NKAIN3: variants seen among roughly 807,000 people sequenced by gnomAD.
NKAIN3 encodes sodium/potassium-transporting ATPase subunit beta-1-interacting protein 3.
A neutral mutation model predicts 30.2 loss-of-function variants in NKAIN3; 25 were observed. The observed-to-expected ratio is 0.83, with a 90% CI of 0.60 to 1.16. NKAIN3 has a LOEUF of 1.16. Ranked by LOEUF, NKAIN3 falls within the 50% of genes most tolerant of loss-of-function variation. NKAIN3 has a pLI of 0.00. For missense variants in NKAIN3, 225 were observed against 254.1 expected (o/e 0.89, Z 0.78); for synonymous variants, 91 against 89.6 (o/e 1.02, Z -0.09).
chr8:62,443,405 A>G (rs749745531), intron 1 of NKAIN3, among the ~76,000 whole-genome samples: 26 of 151,854 alleles, frequency 1.7e-4, no homozygotes, highest in Non-Finnish European at 3.5e-4. Context: ...ATTTTTTGAG[A>G]CAAAGTCTCA....
At chr8:62,663,961 T>A (rs973834927) in intron 3 of NKAIN3, among the ~76,000 whole-genome samples, 1 of 152,062 alleles carries the variant, frequency 6.6e-6, no homozygotes, top group Admixed American at 6.6e-5. Flanking sequence ...TGAAAAAAAA[T>A]TGATCTTGTT....
chr8:62,815,844 A>T (rs1311076396), intron 4 of NKAIN3, among the ~76,000 whole-genome samples: 1 of 152,056 alleles, frequency 6.6e-6, no homozygotes, highest in Non-Finnish European at 1.5e-5. Flanking sequence ...TTCTTATTCC[A>T]CTCATTGAAT....
At chr8:62,609,765 C>G (rs189779625) in intron 3 of NKAIN3, among the ~76,000 whole-genome samples, 41 of 152,122 alleles carry the variant, frequency 2.7e-4, no homozygotes, top group African/African-American at 8.2e-4. Context: ...GGGGGAATGC[C>G]AAGTCTCCCA....
chr8:62,793,903 G>A (rs140503232), intron 4 of NKAIN3, among the ~76,000 whole-genome samples: 2,146 of 152,202 alleles, frequency 0.014, 28 homozygotes, highest in Non-Finnish European at 0.019. Context: ...CCCAAGGTTG[G>A]GGGGAAATCA....
intron 1 of NKAIN3, among the ~76,000 whole-genome samples, chr8:62,298,726 C>T (rs949533395): frequency 1.3e-5 from 2 of 152,036 alleles, no homozygotes; most frequent in Non-Finnish European, 1.5e-5. Flanking sequence ...ATCTTTCCAA[C>T]CTAAATCTGT....
In NKAIN3 at chr8:62,615,820, A is replaced by G. The variant is rs576270255; in HGVS notation, c.273+26026A>G. On this transcript the variant is annotated intron_variant, in intron 3 of 6. Coordinates refer to ENST00000623646, the MANE Select transcript of NKAIN3 (RefSeq NM_001304533.3). ...CCCAGTGCCCAGAGCTGCTCTTAGCACCACACTGCTGCTGCTGCCAGGGAT... is the reference window on the plus strand; with the variant it reads ...CCCAGTGCCCAGAGCTGCTCTTAGCGCCACACTGCTGCTGCTGCCAGGGAT... Among the ~76,000 whole-genome samples the G allele has an allele frequency of 1.1e-3, 164 of 152,216 alleles. 1 individual carries two copies. The highest frequency in any genetic ancestry group is 4.3e-3 in the Admixed American group (65 of 15,276).
chr8:62,728,596 C>T (rs574671656), intron 3 of NKAIN3, among the ~76,000 whole-genome samples: 6 of 152,146 alleles, frequency 3.9e-5, no homozygotes, highest in African/African-American at 1.4e-4. Context: ...ACCCAGGAGG[C>T]GGAGGTTGCC....
chr8:62,486,740 A>G (rs1311075984), intron 1 of NKAIN3, among the ~76,000 whole-genome samples: 1 of 152,228 alleles, frequency 6.6e-6, no homozygotes, highest in Non-Finnish European at 1.5e-5. Context: ...TTCTCCTGCC[A>G]TTCTTACTAC....
chr8:62,741,362 AGAAGGAAGGAAGGAAGGAAGGAAGGAAG>A (rs200947376), intron 3 of NKAIN3, among the ~76,000 whole-genome samples: 12 of 138,032 alleles, frequency 8.7e-5, no homozygotes, highest in Middle Eastern at 3.8e-3. Context: ...AGAGAGAGAA[AGAAGGAAGGAAGGAAGGAAGGAAGGAAG>A]GAAGGAAGGA....
At chr8:62,355,074 G>A (rs982067794) in intron 1 of NKAIN3, among the ~76,000 whole-genome samples, 14 of 152,238 alleles carry the variant, frequency 9.2e-5, no homozygotes, top group African/African-American at 3.4e-4. Context: ...AGAACACAGG[G>A]CAGTCAGCAC....
intron 3 of NKAIN3, among the ~76,000 whole-genome samples, chr8:62,709,526 C>T (rs1396456734): frequency 1.3e-5 from 2 of 152,112 alleles, no homozygotes; most frequent in Non-Finnish European, 2.9e-5. Flanking sequence ...TCATAGTAGC[C>T]TTGAATTACC....
chr8:62,579,399 G>C (rs1810221384), intron 1 of NKAIN3, 140 bp from the exon 2 acceptor site: 2 of 580,414 alleles, frequency 3.4e-6, no homozygotes, highest in African/African-American at 1.9e-5. Flanking sequence ...CATGAAATAA[G>C]AATGAAAATT....
intron 4 of NKAIN3, among the ~76,000 whole-genome samples, chr8:62,885,793 T>C (rs981436663): frequency 5.2e-4 from 79 of 152,320 alleles, no homozygotes; most frequent in African/African-American, 1.7e-3. Flanking sequence ...ATAATTATTA[T>C]AGCTATTTCC....
At chr8:62,287,819 T>C (rs1813428960) in intron 1 of NKAIN3, among the ~76,000 whole-genome samples, 1 of 152,172 alleles carries the variant, frequency 6.6e-6, no homozygotes, top group Admixed American at 6.6e-5. Context: ...CTTTGTGTCC[T>C]TCTGGTCATC....
At chr8:62,658,004 AT>A (rs1812815264) in intron 3 of NKAIN3, among the ~76,000 whole-genome samples, 1 of 152,086 alleles carries the variant, frequency 6.6e-6, no homozygotes, top group African/African-American at 2.4e-5. Context: ...CTCTCGCTTT[AT>A]CTCAGCAGTC....
At chr8:62,456,847 G>C (rs995504473) in intron 1 of NKAIN3, among the ~76,000 whole-genome samples, 4 of 152,194 alleles carry the variant, frequency 2.6e-5, no homozygotes, top group Non-Finnish European at 5.9e-5. Context: ...AATGCACCCA[G>C]CCTTCGTTAG....
intron 1 of NKAIN3, among the ~76,000 whole-genome samples, chr8:62,395,395 T>G (rs1817724380): frequency 6.6e-6 from 1 of 152,042 alleles, no homozygotes; most frequent in Non-Finnish European, 1.5e-5. Context: ...AGAAGCGCTC[T>G]TCACTTCCCA....
At chr8:62,953,723 T>C (rs1378385974) in intron 5 of NKAIN3, among the ~76,000 whole-genome samples, 179 bp from the exon 6 acceptor site, 1 of 152,228 alleles carries the variant, frequency 6.6e-6, no homozygotes, top group Admixed American at 6.5e-5. Flanking sequence ...CTGTATTTTT[T>C]AAATTTCCTC....
At chr8:62,929,502 C>T (rs907210661) in intron 5 of NKAIN3, among the ~76,000 whole-genome samples, 1 of 152,124 alleles carries the variant, frequency 6.6e-6, no homozygotes, top group Non-Finnish European at 1.5e-5. Context: ...AGTTACTAGT[C>T]CTAAAGTCAA....
Sources: allele counts gnomAD v4.1 joint callset (sites outside exome capture counted in the v4.1 genomes callset), GRCh38; gene constraint gnomAD v4.1.1; transcripts MANE v1.5; gene names NCBI Gene and HGNC (gene_info 2026-07-23, HGNC 2026-07-21).